The following HHIPL1 variants were observed in gnomAD, a reference collection of about 807,000 sequenced individuals.
The protein encoded by HHIPL1 is HHIP-like protein 1.
Under a neutral mutation model 61.8 loss-of-function variants are expected in HHIPL1, and 43 were observed. That is an observed-to-expected ratio of 0.70 (90% confidence interval 0.55 to 0.90). HHIPL1 has a LOEUF of 0.90. Ranked by LOEUF, HHIPL1 falls within the 40% of genes least tolerant of loss-of-function variation. The pLI is 0.00. For missense variants in HHIPL1, 1,056 were observed against 1,157.7 expected (o/e 0.91, Z 1.28); for synonymous variants, 482 against 515.8 (o/e 0.93, Z 0.89).
Position 99,675,203 on chromosome 14 carries a change from G to A in HHIPL1, c.1926G>A (p.Ala642=), listed in dbSNP as rs2056373959. The change falls in exon 9 of 9, where the codon GCG becomes GCA. Residue 642 remains alanine, a synonymous_variant. Transcript: ENST00000330710. This position sits in a 1 kb window ranked among gnomAD's most constrained non-coding sequence, Gnocchi z 5.4. ...CCCCCGCGCCAACCCCGCGGCCAGC[G>A]CGGCCCACCCAGCAGCCAGGGAGCC... ...AAPPAPTPRP[A]RPTQQPGSRR... 1 of 1,163,318 alleles carries A rather than the reference G, an allele frequency of 8.6e-7. No individual in the cohort carries two copies. 72.1% of individuals were successfully genotyped at this position (1,163,318 alleles called of 1,614,324 possible).
At chr14:99,611,219 T>G in the HHIPL1 span, among the ~76,000 whole-genome samples, 1 of 151,980 alleles carries the variant, frequency 6.6e-6, no homozygotes, top group South Asian at 2.1e-4. Context: ...AGCCTTAACC[T>G]CCCAGACTCA....
Position 99,659,633 on chromosome 14 carries a change from G to A in HHIPL1, c.1252G>A (p.Gly418Ser), listed in dbSNP as rs1393114838. 1.4e-5 allele frequency: 21 copies of A among 1,552,378 alleles called. No homozygotes were observed. The highest frequency in any genetic ancestry group is 4.8e-5 in the East Asian group (2 of 41,256). The change falls in exon 4 of 9, where the codon GGC (glycine) becomes AGC (serine). Residue 418 changes from glycine (G) to serine (S), a missense_variant. Coordinates refer to ENST00000330710, the MANE Select transcript of HHIPL1 (RefSeq NM_001127258.3). ...SGTGRGRLFC[G>S]DVGQNKFEEV... The stretch of plus-strand genomic sequence containing the variant: ...CACTGGCCGCGGGCGCCTCTTCTGC[G>A]GCGACGTGGGCCAGAACAAGTTCGA...
At position 99,668,208 on chromosome 14, in the gene HHIPL1, T is replaced by C. The variant is rs1324304093; in HGVS notation, c.1649-14T>C. On this transcript the variant is annotated splice_polypyrimidine_tract_variant and intron_variant, in intron 6 of 8. Coordinates refer to ENST00000330710, the MANE Select transcript of HHIPL1 (RefSeq NM_001127258.3). This position sits in a 1 kb window ranked among gnomAD's most constrained non-coding sequence, Gnocchi z 4.7. ...CAGGTGGGGGTCTCACTAGTCACTTTGTTCTGTCCAAAGGGGAGCTGTACT... is the reference window on the plus strand; with the variant it reads ...CAGGTGGGGGTCTCACTAGTCACTTCGTTCTGTCCAAAGGGGAGCTGTACT... The C allele has an allele frequency of 6.4e-7, 1 of 1,571,280 alleles. No individual in the cohort carries two copies. The highest frequency in any genetic ancestry group is 1.1e-5 in the South Asian group (1 of 90,238).
At chr14:99,666,842 G>C (rs1283620215) in intron 6 of HHIPL1, among the ~76,000 whole-genome samples, 1 of 152,190 alleles carries the variant, frequency 6.6e-6, no homozygotes, top group Non-Finnish European at 1.5e-5. Flanking sequence ...TGGGTTGGGG[G>C]GTCAGGGGCC....
At chr14:99,664,870 G>A (rs866057261) in intron 6 of HHIPL1, among the ~76,000 whole-genome samples, 1 of 151,756 alleles carries the variant, frequency 6.6e-6, no homozygotes, top group South Asian at 2.1e-4. Flanking sequence ...GGAGCCCTTG[G>A]AATGAAGACC....
At chr14:99,640,876 T>TC (rs1491336201), upstream of HHIPL1, among the ~76,000 whole-genome samples, 3 of 139,180 alleles carry the variant, frequency 2.2e-5, no homozygotes, top group African/African-American at 8.6e-5. Flanking sequence ...TACTTCTTCT[T>TC]CTTTTTTTTT....
rs2055811088 is a variant in HHIPL1 at position 99,645,278 on chromosome 14, T to C, written c.71T>C (p.Leu24Pro). 1 of 1,444,342 alleles carries C rather than the reference T, an allele frequency of 6.9e-7. No individual in the cohort carries two copies. The highest frequency in any genetic ancestry group is 3.0e-5 in the East Asian group (1 of 32,822). 89.5% of individuals were successfully genotyped at this position (1,444,342 alleles called of 1,614,324 possible). The change falls in exon 1 of 9, where the codon CTG (leucine) becomes CCG (proline). Residue 24 changes from leucine to proline, a missense_variant. Leu to Pro is a moderately conservative substitution (Grantham distance 98, BLOSUM62 -3). Coordinates refer to ENST00000330710, the MANE Select transcript of HHIPL1 (RefSeq NM_001127258.3). ...VLGAAAHPQC[L>P]DFRPPFRPTQ... The stretch of plus-strand genomic sequence containing the variant: ...GGGGCCGCCGCGCATCCGCAGTGCC[T>C]GGACTTCAGGCCGCCCTTCCGGCCG...
chr14:99,645,749 A>C lies in HHIPL1; in HGVS notation c.255+287A>C, dbSNP rs567898707. The stretch of plus-strand genomic sequence containing the variant: ...ACAGATGATGTCATCATTTCCTCAG[A>C]GGTTGGGGGCTCTTCTGCCCCAGTC... On this transcript the variant is annotated intron_variant, in intron 1 of 8. Coordinates refer to ENST00000330710, the MANE Select transcript of HHIPL1 (RefSeq NM_001127258.3). Among the ~76,000 whole-genome samples the C allele has an allele frequency of 2.0e-5, 3 of 152,234 alleles. 1 individual carries two copies. The highest frequency in any genetic ancestry group is 7.2e-5 in the African/African-American group (3 of 41,546).
chr14:99,637,054 GGAAGGAAAAA>G, the HHIPL1 span, among the ~76,000 whole-genome samples: 33 of 57,902 alleles, frequency 5.7e-4, 1 homozygote, highest in African/African-American at 1.7e-3. Context: ...AAAGAAGGAA[GGAAGGAAAAA>G]AGAAAGAAAG....
intron 6 of HHIPL1, among the ~76,000 whole-genome samples, chr14:99,666,101 C>T (rs1256964951): frequency 6.6e-6 from 1 of 152,112 alleles, no homozygotes; most frequent in Non-Finnish European, 1.5e-5. Context: ...TTCTTTATGG[C>T]CAGTTTTACA....
chr14:99,642,287 T>A (rs1186257506), upstream of HHIPL1, among the ~76,000 whole-genome samples: 1 of 152,142 alleles, frequency 6.6e-6, no homozygotes, highest in Non-Finnish European at 1.5e-5. Context: ...TTTTTTCCCC[T>A]TCTTCTCTTT....
intron 6 of HHIPL1, among the ~76,000 whole-genome samples, chr14:99,663,391 C>T (rs950041552): frequency 6.6e-6 from 1 of 152,166 alleles, no homozygotes; most frequent in Non-Finnish European, 1.5e-5. Flanking sequence ...TTATTCATGC[C>T]TCCCCTTTTT....
intron 1 of HHIPL1, among the ~76,000 whole-genome samples, chr14:99,646,726 A>G (rs1015783194): frequency 9.9e-5 from 15 of 151,714 alleles, no homozygotes; most frequent in Admixed American, 4.6e-4. Flanking sequence ...GTGAGCCAAG[A>G]TTGAGCCACT....
At chr14:99,666,856 G>C (rs1309359007) in intron 6 of HHIPL1, among the ~76,000 whole-genome samples, 1 of 152,134 alleles carries the variant, frequency 6.6e-6, no homozygotes, top group Non-Finnish European at 1.5e-5. Flanking sequence ...AGGGGCCATT[G>C]ACCACTCAGC....
At chr14:99,650,693 A>G (rs1433476567) in intron 1 of HHIPL1, among the ~76,000 whole-genome samples, 2 of 152,188 alleles carry the variant, frequency 1.3e-5, no homozygotes, top group African/African-American at 4.8e-5. Flanking sequence ...CCTCCCTCCC[A>G]TGGTTGCCTT....
At chr14:99,663,338 C>T (rs576881136) in intron 6 of HHIPL1, among the ~76,000 whole-genome samples, 4 of 152,292 alleles carry the variant, frequency 2.6e-5, no homozygotes, top group African/African-American at 9.6e-5. Context: ...TGGTTGCCCA[C>T]TTTTATGATT....
At chr14:99,638,033 G>A in the HHIPL1 span, among the ~76,000 whole-genome samples, 18 of 152,340 alleles carry the variant, frequency 1.2e-4, no homozygotes, top group East Asian at 3.1e-3. Flanking sequence ...ATGTTAGCAC[G>A]GGTGAAGTCT....
In HHIPL1 at chr14:99,675,402, G is replaced by A; in HGVS notation, c.2125G>A (p.Ala709Thr). Residue 709 changes from alanine (A) to threonine (T), a missense_variant, in exon 9 of 9, where the codon GCC (alanine) becomes ACC (threonine). Transcript: ENST00000330710. The surrounding 1 kb of genome is among the most constrained non-coding windows in gnomAD (Gnocchi z 5.4). ...VCDDSWNISG[A>T]AVVCRQLGFA... is the part of the protein sequence containing the mutation. ...CGACGACTCCTGGAACATCAGCGGC[G>A]CCGCCGTCGTGTGTCGCCAGCTGGG... The A allele has an allele frequency of 1.3e-6, 2 of 1,527,656 alleles. No homozygotes were observed. The highest frequency in any genetic ancestry group is 1.8e-6 in the Non-Finnish European group (2 of 1,140,788). The allele number at this position is 1,527,656 out of a possible 1,614,324, so 94.6% of individuals were successfully genotyped here.
chr14:99,657,387 T>C (rs983545326), intron 3 of HHIPL1, among the ~76,000 whole-genome samples: 1 of 152,138 alleles, frequency 6.6e-6, no homozygotes, highest in Non-Finnish European at 1.5e-5. Flanking sequence ...TCATGGCTGC[T>C]CAGGGCCTGG....
Sources: allele counts gnomAD v4.1 joint callset (sites outside exome capture counted in the v4.1 genomes callset), GRCh38; gene constraint gnomAD v4.1.1; non-coding constraint Gnocchi (gnomAD v3.1); transcripts MANE v1.5; gene names NCBI Gene and HGNC (gene_info 2026-07-23, HGNC 2026-07-21).